Variants in IFIT5 observed in about 807,000 individuals in gnomAD.
IFIT5 encodes interferon-induced protein with tetratricopeptide repeats 5.
Under a neutral mutation model 5.0 loss-of-function variants are expected in IFIT5, and 2 were observed. The ratio of observed to expected loss-of-function variants is 0.40; its 90% CI spans 0.16 to 1.26. IFIT5 has a LOEUF of 1.26. Among genes scored for constraint, IFIT5 ranks in the 50% most tolerant of loss-of-function variants. The pLI is 0.33. For missense variants in IFIT5, 524 were observed against 563.2 expected (o/e 0.93, Z 0.70); for synonymous variants, 206 against 204.6 (o/e 1.01, Z -0.06).
Position 89,417,804 on chromosome 10 carries a change from G to C in IFIT5, c.605G>C (p.Gly202Ala), listed in dbSNP as rs778244463. The C allele has an allele frequency of 2.5e-6, 4 of 1,614,132 alleles. No individual in the cohort carries two copies. The Admixed American group carries it at 5.0e-5, about 20-fold the overall frequency. ...GGGTCTGTAAAGAGCTTTTCTCTGG[G>C]GCCTTTGAGAAAGGCTGTTACCCTG... is the stretch of plus-strand genomic sequence containing the variant. ...REGSVKSFSL[G>A]PLRKAVTLNP... Residue 202 changes from glycine to alanine, a missense_variant, in exon 2 of 2, where the codon GGG becomes GCG. Coordinates refer to ENST00000371795, the MANE Select transcript of IFIT5 (RefSeq NM_012420.3).
In IFIT5 at chr10:89,417,743, A is replaced by G. The variant is rs996304757; in HGVS notation, c.544A>G (p.Ile182Val). 6.8e-6 allele frequency: 11 copies of G among 1,614,196 alleles called. No homozygotes were observed. The highest frequency in any genetic ancestry group is 1.6e-4 in the Middle Eastern group (1 of 6,062). ...DNPEFNIGYA[I>V]TVYRLDDSDR... ...TCCAGAATTTAACATCGGCTATGCT[A>G]TCACAGTGTATCGGCTGGATGATTC... The change falls in exon 2 of 2, where the codon ATC becomes GTC. Residue 182 changes from isoleucine (I) to valine (V), a missense_variant. Ile to Val is a conservative substitution (Grantham distance 29). Transcript: ENST00000371795.
rs1841554735 is a variant in IFIT5, at chr10:89,417,711, C to G, written c.512C>G (p.Pro171Arg). Residue 171 changes from proline (P) to arginine (R), a missense_variant, in exon 2 of 2, where the codon CCT (proline) becomes CGT (arginine). Transcript: ENST00000371795. ...AAFEKALEVE[P>R]DNPEFNIGYA... ...TTTGAGAAGGCTCTGGAAGTGGAGCCTGACAATCCAGAATTTAACATCGGC... is the reference window on the plus strand; with the variant it reads ...TTTGAGAAGGCTCTGGAAGTGGAGCGTGACAATCCAGAATTTAACATCGGC... 6.2e-7 allele frequency: 1 copy of G among 1,614,160 alleles called. No individual in the cohort carries two copies. Among genetic ancestry groups the G allele is most frequent in the Non-Finnish European group, 8.5e-7 (1 of 1,180,016 alleles).
chr10:89,414,989 AGTC>A (rs1564816479), intron 1 of IFIT5, among the ~76,000 whole-genome samples, 186 bp downstream of exon 1: 1 of 152,054 alleles, frequency 6.6e-6, no homozygotes, highest in African/African-American at 2.4e-5. Context: ...CGGCGTCTGA[AGTC>A]GGGCCTGCCG....
chr10:89,417,500 G>T lies in IFIT5; in HGVS notation c.301G>T (p.Ala101Ser). 2 of 1,614,178 alleles carry T rather than the reference G, an allele frequency of 1.2e-6. No homozygotes were observed. Among genetic ancestry groups the T allele is most frequent in the Non-Finnish European group, 1.7e-6 (2 of 1,180,030 alleles). The change falls in exon 2 of 2, where the codon GCC becomes TCC. Residue 101 changes from alanine (A) to serine (S), a missense_variant. Ala to Ser is a moderately conservative substitution (Grantham distance 99, BLOSUM62 1). Coordinates refer to ENST00000371795, the MANE Select transcript of IFIT5 (RefSeq NM_012420.3). ...VRSLVTWGNYAWVYYHMDQLE... is the reference protein window; with the variant it reads ...VRSLVTWGNYSWVYYHMDQLE... Reference sequence around the variant, plus strand: ...AAGCCTGGTCACTTGGGGAAACTATGCCTGGGTGTATTATCACATGGACCA... The same window carrying T: ...AAGCCTGGTCACTTGGGGAAACTATTCCTGGGTGTATTATCACATGGACCA...
chr10:89,417,749 G>C lies in IFIT5; in HGVS notation c.550G>C (p.Val184Leu), dbSNP rs1197132208. Residue 184 changes from valine to leucine, a missense_variant, in exon 2 of 2, where the codon GTG becomes CTG. Transcript: ENST00000371795. ...ATTTAACATCGGCTATGCTATCACA[G>C]TGTATCGGCTGGATGATTCTGATAG... ...PEFNIGYAIT[V>L]YRLDDSDREG... is the part of the protein sequence containing the mutation. The C allele has an allele frequency of 1.2e-6, 2 of 1,614,068 alleles. No individual in the cohort carries two copies. Among genetic ancestry groups the C allele is most frequent in the African/African-American group, 2.7e-5 (2 of 74,928 alleles).
intron 1 of IFIT5, 58 bp downstream of exon 1, chr10:89,414,861 G>C (rs1361270075): frequency 1.1e-5 from 17 of 1,591,658 alleles, no homozygotes; most frequent in South Asian, 3.4e-5. Flanking sequence ...GTTTCAAACC[G>C]GGCTGCTTTT....
Position 89,417,961 on chromosome 10 carries a change from T to C in IFIT5, c.762T>C (p.Tyr254=), listed in dbSNP as rs1258884792. 10 of 1,614,096 alleles carry C rather than the reference T, an allele frequency of 6.2e-6. No homozygotes were observed. The highest frequency in any genetic ancestry group is 1.3e-5 in the African/African-American group (1 of 74,942). The change falls in exon 2 of 2, where the codon TAT becomes TAC. Residue 254 remains tyrosine (Y), a synonymous_variant. Transcript: ENST00000371795. ...QISSQPYVLR[Y]AAKFYRRKNS... ...CATCCCAGCCTTACGTCCTTCGTTATGCAGCCAAGTTCTATAGGAGAAAAA... is the reference window on the plus strand; with the variant it reads ...CATCCCAGCCTTACGTCCTTCGTTACGCAGCCAAGTTCTATAGGAGAAAAA...
Position 89,418,681 on chromosome 10 carries a change from T to TC in IFIT5, c.*36dup. 1 of 1,551,010 alleles carries TC rather than the reference T, an allele frequency of 6.4e-7. No homozygotes were observed. The highest frequency in any genetic ancestry group is 8.7e-7 in the Non-Finnish European group (1 of 1,153,176). ...CTCTAGGAAATTAGCTCTAAGTTTT[T>TC]CCCTTCATTTTGGGTTCTCCTGTTT... On this transcript the variant is annotated 3_prime_UTR_variant, in exon 2 of 2. Transcript: ENST00000371795.
rs956268481 is a variant in IFIT5, at chr10:89,419,911, A to G, written c.*1263A>G. The stretch of plus-strand genomic sequence containing the variant: ...ATTTAATTCTCCATTCCTCCAATGT[A>G]ACTCTTAAAATTATTATGTATGTGT... On this transcript the variant is annotated 3_prime_UTR_variant, in exon 2 of 2. Coordinates refer to ENST00000371795, the MANE Select transcript of IFIT5 (RefSeq NM_012420.3). 20 of 152,132 alleles carry G rather than the reference A, an allele frequency of 1.3e-4. No homozygotes were observed. The highest frequency in any genetic ancestry group is 1.3e-3 in the Admixed American group (20 of 15,268). The allele number at this position is 152,132 out of a possible 1,614,324, so 9.4% of individuals were successfully genotyped here.
In IFIT5 at chr10:89,414,661, G is replaced by C. The variant is rs913189161; in HGVS notation, c.-138G>C. ...TTTAACAAAGACACGCCGCGCGGCC[G>C]AGTCCAGGGGCTGCAGAGGCCTGGC... On this transcript the variant is annotated 5_prime_UTR_variant, in exon 1 of 2. Coordinates refer to ENST00000371795, the MANE Select transcript of IFIT5 (RefSeq NM_012420.3). The C allele has an allele frequency of 1.1e-5, 10 of 925,008 alleles. No individual in the cohort carries two copies. Among genetic ancestry groups the C allele is most frequent in the Non-Finnish European group, 1.2e-5 (8 of 660,652 alleles). 57.3% of individuals were successfully genotyped at this position (925,008 alleles called of 1,614,324 possible). A position where few individuals can be genotyped will look rare whatever the true frequency, so the allele number is the denominator to read the frequency against.
In IFIT5 at chr10:89,417,505, G is replaced by A; in HGVS notation, c.306G>A (p.Trp102Ter). The stretch of plus-strand genomic sequence containing the variant: ...TGGTCACTTGGGGAAACTATGCCTG[G>A]GTGTATTATCACATGGACCAGCTTG... The part of the protein sequence containing the change: ...RSLVTWGNYA[W>*]VYYHMDQLEE... Residue 102 changes from tryptophan to a stop codon, truncating the protein, a stop_gained, in exon 2 of 2, where the codon TGG (tryptophan) becomes TGA (stop). Transcript: ENST00000371795. LOFTEE classifies it low-confidence loss of function (END_TRUNC). The A allele has an allele frequency of 6.2e-7, 1 of 1,614,136 alleles. No individual in the cohort carries two copies. Among genetic ancestry groups the A allele is most frequent in the Non-Finnish European group, 8.5e-7 (1 of 1,180,018 alleles).
In IFIT5 at chr10:89,418,658, C is replaced by T. The variant is rs367854137; in HGVS notation, c.*10C>T. 4.4e-5 allele frequency: 69 copies of T among 1,582,448 alleles called. No individual in the cohort carries two copies. The highest frequency in any genetic ancestry group is 5.7e-5 in the Non-Finnish European group (67 of 1,166,122). On this transcript the variant is annotated 3_prime_UTR_variant, in exon 2 of 2. Transcript: ENST00000371795. The stretch of plus-strand genomic sequence containing the variant: ...CCGACTTTCCATTTAAATACATACT[C>T]TAGGAAATTAGCTCTAAGTTTTTCC...
In IFIT5 at chr10:89,419,836, C is replaced by T. The variant is rs984370751; in HGVS notation, c.*1188C>T. 3 of 151,878 alleles carry T rather than the reference C, an allele frequency of 2.0e-5. No individual in the cohort carries two copies. The highest frequency in any genetic ancestry group is 2.9e-5 in the Non-Finnish European group (2 of 67,974). 9.4% of individuals were successfully genotyped at this position (151,878 alleles called of 1,614,324 possible). ...TCTCTAATGTAGTTTCTTTGATTACCGACTACACAATTATGTACCATCACA... is the reference window on the plus strand; with the variant it reads ...TCTCTAATGTAGTTTCTTTGATTACTGACTACACAATTATGTACCATCACA... On this transcript the variant is annotated 3_prime_UTR_variant, in exon 2 of 2. Transcript: ENST00000371795.
Position 89,417,736 on chromosome 10 carries a change from C to T in IFIT5, c.537C>T (p.Gly179=). 6.2e-7 allele frequency: 1 copy of T among 1,614,150 alleles called. No homozygotes were observed. The highest frequency in any genetic ancestry group is 1.3e-5 in the African/African-American group (1 of 75,010). The change falls in exon 2 of 2, where the codon GGC becomes GGT. Residue 179 remains glycine, a synonymous_variant. Coordinates refer to ENST00000371795, the MANE Select transcript of IFIT5 (RefSeq NM_012420.3). The stretch of plus-strand genomic sequence containing the variant: ...CTGACAATCCAGAATTTAACATCGG[C>T]TATGCTATCACAGTGTATCGGCTGG... ...VEPDNPEFNI[G]YAITVYRLDD...
Position 89,417,777 on chromosome 10 carries a change from A to G in IFIT5, c.578A>G (p.Glu193Gly). ...TVYRLDDSDR[E>G]GSVKSFSLGP... ...TATCGGCTGGATGATTCTGATAGAG[A>G]AGGGTCTGTAAAGAGCTTTTCTCTG... The change falls in exon 2 of 2, where the codon GAA becomes GGA. Residue 193 changes from glutamate to glycine, a missense_variant. Glu to Gly is a moderately conservative substitution (Grantham distance 98). Transcript: ENST00000371795. 6.2e-7 allele frequency: 1 copy of G among 1,614,120 alleles called. No homozygotes were observed. The highest frequency in any genetic ancestry group is 8.5e-7 in the Non-Finnish European group (1 of 1,180,016).
At position 89,418,450 on chromosome 10, in the gene IFIT5, A is replaced by T; in HGVS notation, c.1251A>T (p.Thr417=). The change falls in exon 2 of 2, where the codon ACA becomes ACT. Residue 417 remains threonine, a synonymous_variant. Transcript: ENST00000371795. ...KDRSPLRTKL[T]SALKKLSTKR... Reference sequence around the variant, plus strand: ...GATCACCCCTTCGCACCAAACTGACAAGTGCTCTGAAGAAATTGTCTACCA... The same window carrying T: ...GATCACCCCTTCGCACCAAACTGACTAGTGCTCTGAAGAAATTGTCTACCA... 6.2e-7 allele frequency: 1 copy of T among 1,614,164 alleles called. No homozygotes were observed. The highest frequency in any genetic ancestry group is 8.5e-7 in the Non-Finnish European group (1 of 1,180,004).
chr10:89,418,129 A>C lies in IFIT5; in HGVS notation c.930A>C (p.Gly310=). The change falls in exon 2 of 2, where the codon GGA becomes GGC. Residue 310 remains glycine, a synonymous_variant. Coordinates refer to ENST00000371795, the MANE Select transcript of IFIT5 (RefSeq NM_012420.3). ...AGGCCACACACAACAGACCTAAAGG[A>C]AAGGATAAACTAAAGGTTGATGAGC... ...IKKATHNRPK[G]KDKLKVDELI... is the part of the protein sequence containing the mutation. The C allele has an allele frequency of 6.2e-7, 1 of 1,614,232 alleles. No homozygotes were observed. Among genetic ancestry groups the C allele is most frequent in the Non-Finnish European group, 8.5e-7 (1 of 1,180,026 alleles).
At chr10:89,415,311 A>G (rs1169060358) in intron 1 of IFIT5, among the ~76,000 whole-genome samples, 1 of 152,170 alleles carries the variant, frequency 6.6e-6, no homozygotes, top group Non-Finnish European at 1.5e-5. Context: ...GCTACGTGCC[A>G]CGGGTCTCCT....
intron 1 of IFIT5, among the ~76,000 whole-genome samples, chr10:89,416,822 C>T (rs1841542465): frequency 6.6e-6 from 1 of 152,184 alleles, no homozygotes. Context: ...TACCAAGGAG[C>T]AATTTTACCA....
Sources: gnomAD v4.1 joint callset for allele counts (sites outside exome capture counted in the v4.1 genomes callset) on GRCh38, gnomAD v4.1.1 for gene constraint, MANE v1.5 for transcripts, NCBI Gene and HGNC (gene_info 2026-07-23, HGNC 2026-07-21) for gene names.